The following PREX2 variants were observed in gnomAD, a reference collection of about 807,000 sequenced individuals.
PREX2 encodes phosphatidylinositol-3,4,5-trisphosphate dependent Rac exchange factor 2.
A neutral mutation model predicts 203.2 loss-of-function variants in PREX2; 107 were observed. The observed-to-expected ratio is 0.53, with a 90% confidence interval of 0.45 to 0.62. The LOEUF (loss-of-function observed/expected upper bound fraction) is 0.62. PREX2 is among the 20% of genes least tolerant of loss of function. The pLI is 0.00. For synonymous variants in PREX2, 672 were observed against 663.6 expected (o/e 1.01, Z -0.19); for missense variants, 1,777 against 1,955.9 (o/e 0.91, Z 1.72).
intron 33 of PREX2, among the ~76,000 whole-genome samples, chr8:68,142,041 G>A (rs1380590280): frequency 1.3e-5 from 2 of 152,014 alleles, no homozygotes; most frequent in African/African-American, 4.8e-5. Context: ...CCATACCCCT[G>A]TCCCTACACA....
chr8:68,119,326 G>T, intron 27 of PREX2, 106 bp from the exon 28 acceptor site: 1 of 730,694 alleles, frequency 1.4e-6, no homozygotes, highest in Non-Finnish European at 2.4e-6. Flanking sequence ...TGGAATAACA[G>T]CTTGTGTTTA....
chr8:68,084,887 A>G (rs1266487460), intron 18 of PREX2, among the ~76,000 whole-genome samples: 3 of 152,150 alleles, frequency 2.0e-5, no homozygotes, highest in African/African-American at 7.2e-5. Flanking sequence ...CCCTACAAAT[A>G]CTGATCTACT....
intron 39 of PREX2, among the ~76,000 whole-genome samples, chr8:68,226,545 G>A (rs1481063652): frequency 6.6e-6 from 1 of 152,182 alleles, no homozygotes; most frequent in African/African-American, 2.4e-5. Flanking sequence ...TGCTATCTCT[G>A]TCTGAGATAC....
chr8:67,998,557 G>A (rs1297730506), intron 1 of PREX2, among the ~76,000 whole-genome samples: 2 of 152,174 alleles, frequency 1.3e-5, no homozygotes, highest in Non-Finnish European at 2.9e-5. Context: ...ATCGCTTGAG[G>A]TGAGTTCAAG....
intron 19 of PREX2, among the ~76,000 whole-genome samples, chr8:68,089,681 A>G (rs951247648): frequency 1.3e-5 from 2 of 152,222 alleles, no homozygotes; most frequent in Admixed American, 6.5e-5. Flanking sequence ...TTTTATGGGG[A>G]TTAAGAAGAA....
intron 37 of PREX2, among the ~76,000 whole-genome samples, chr8:68,214,412 A>C (rs1390862103): frequency 6.6e-6 from 1 of 152,104 alleles, no homozygotes; most frequent in Non-Finnish European, 1.5e-5. Context: ...AAAAAAGAGA[A>C]ACCTCCTATT....
intron 33 of PREX2, among the ~76,000 whole-genome samples, chr8:68,141,671 C>A (rs1811233375): frequency 6.6e-6 from 1 of 152,064 alleles, no homozygotes; most frequent in Non-Finnish European, 1.5e-5. Flanking sequence ...CAGGGAAGAG[C>A]AACCAAGGCA....
chr8:68,099,874 A>G, intron 23 of PREX2, 31 bp downstream of exon 23: 1 of 1,510,300 alleles, frequency 6.6e-7, no homozygotes, highest in African/African-American at 1.4e-5. Flanking sequence ...ATACACAATT[A>G]TTGTTGAAAT....
intron 14 of PREX2, among the ~76,000 whole-genome samples, chr8:68,073,850 T>C (rs973140702): frequency 2.6e-5 from 4 of 152,182 alleles, no homozygotes; most frequent in Non-Finnish European, 5.9e-5. Flanking sequence ...CAAAAACTGA[T>C]GCTGAGTAAA....
Position 68,231,442 on chromosome 8 carries a change from C to A in PREX2, c.*64C>A. Reference sequence around the variant, plus strand: ...AATGCTGGACTAGACAAACTACATGCTGGCTAAACATTCTCCACTGAAGAT... The same window carrying A: ...AATGCTGGACTAGACAAACTACATGATGGCTAAACATTCTCCACTGAAGAT... On this transcript the variant is annotated 3_prime_UTR_variant, in exon 40 of 40. Coordinates refer to ENST00000288368, the MANE Select transcript of PREX2 (RefSeq NM_024870.4). 7.7e-7 allele frequency: 1 copy of A among 1,295,386 alleles called. No homozygotes were observed. Among genetic ancestry groups the A allele is most frequent in the Non-Finnish European group, 1.1e-6 (1 of 941,038 alleles). 80.2% of individuals were successfully genotyped at this position (1,295,386 alleles called of 1,614,324 possible).
intron 1 of PREX2, among the ~76,000 whole-genome samples, chr8:67,993,697 A>G (rs1262976331): frequency 2.6e-5 from 4 of 152,096 alleles, no homozygotes; most frequent in Non-Finnish European, 5.9e-5. Flanking sequence ...CATGAGCCAC[A>G]GCCCCTAGCC....
chr8:68,211,737 C>T (rs184698423), intron 37 of PREX2, among the ~76,000 whole-genome samples: 11 of 152,108 alleles, frequency 7.2e-5, no homozygotes, highest in Middle Eastern at 3.4e-3. Flanking sequence ...AAAATGGACA[C>T]GGGATTGGGG....
At chr8:68,229,048 G>T (rs13281136) in intron 39 of PREX2, among the ~76,000 whole-genome samples, 39,654 of 151,560 alleles carry the variant, frequency 0.26, 5,844 homozygotes, top group South Asian at 0.45. Flanking sequence ...TTTGTGAGAT[G>T]GGGAGAATTG....
chr8:67,962,232 T>C (rs1162327078), intron 1 of PREX2, among the ~76,000 whole-genome samples: 2 of 152,224 alleles, frequency 1.3e-5, no homozygotes, highest in Non-Finnish European at 2.9e-5. Flanking sequence ...GAAATGCTAA[T>C]GTTTTCCCTT....
At chr8:68,016,602 A>T (rs764468440) in intron 1 of PREX2, among the ~76,000 whole-genome samples, 58 of 152,100 alleles carry the variant, frequency 3.8e-4, no homozygotes, top group Admixed American at 6.5e-4. Flanking sequence ...GTTCAAGAAA[A>T]TGCCCATTTA....
chr8:68,022,167 A>G (rs747012864), intron 4 of PREX2, 27 bp downstream of exon 4: 1 of 1,082,906 alleles, frequency 9.2e-7, no homozygotes. Flanking sequence ...GTGTTACTGT[A>G]TGTTGATATG....
At chr8:67,989,564 T>C (rs1806538265) in intron 1 of PREX2, among the ~76,000 whole-genome samples, 1 of 152,220 alleles carries the variant, frequency 6.6e-6, no homozygotes, top group Non-Finnish European at 1.5e-5. Flanking sequence ...ATATGTAGTG[T>C]TTTTTAATAA....
intron 1 of PREX2, among the ~76,000 whole-genome samples, chr8:67,988,837 A>T (rs1418979772): frequency 1.3e-5 from 2 of 152,218 alleles, no homozygotes; most frequent in Non-Finnish European, 2.9e-5. Flanking sequence ...CACCCCATGG[A>T]CTGTGAGACT....
intron 1 of PREX2, among the ~76,000 whole-genome samples, chr8:67,997,939 G>C (rs954429317): frequency 6.6e-6 from 1 of 152,022 alleles, no homozygotes; most frequent in Admixed American, 6.6e-5. Context: ...ATTATTTTAA[G>C]ATTTTTATCG....
Sources: gnomAD v4.1 joint callset for allele counts (sites outside exome capture counted in the v4.1 genomes callset) on GRCh38, gnomAD v4.1.1 for gene constraint, MANE v1.5 for transcripts, NCBI Gene and HGNC (gene_info 2026-07-23, HGNC 2026-07-21) for gene names.